The following CELF2 variants were observed in gnomAD, a reference collection of about 807,000 sequenced individuals.
CELF2 encodes CUG triplet repeat RNA-binding protein 2.
Under a neutral mutation model 62.6 loss-of-function variants are expected in CELF2, and 8 were observed. The observed-to-expected ratio is 0.13, with a 90% confidence interval of 0.07 to 0.23. The LOEUF (loss-of-function observed/expected upper bound fraction) is 0.23. Ranked by LOEUF, CELF2 falls within the 10% of genes least tolerant of loss-of-function variation. The probability of loss-of-function intolerance (pLI) is 1.00; values close to 1 mark genes in which losing one functional copy is unlikely to be tolerated. For missense variants in CELF2, 333 were observed against 671.0 expected (o/e 0.50, Z 5.56); for synonymous variants, 258 against 250.0 (o/e 1.03, Z -0.30).
the CELF2 span, among the ~76,000 whole-genome samples, chr10:10,702,062 T>G: frequency 6.6e-6 from 1 of 152,254 alleles, no homozygotes; most frequent in Non-Finnish European, 1.5e-5. Context: ...GTATGCAGTG[T>G]TTGATTTTGG....
intron 1 of CELF2, among the ~76,000 whole-genome samples, chr10:10,905,536 G>C (rs2063263942): frequency 6.6e-6 from 1 of 150,814 alleles, no homozygotes; most frequent in African/African-American, 2.4e-5. Context: ...TTGAGGCCAG[G>C]AGTTCGAGAC....
chr10:10,927,346 T>TAAAAAAAAAAAAAAAAAAAAAA (rs34283995), intron 2 of CELF2: 7 of 85,840 alleles, frequency 8.2e-5, no homozygotes, highest in Non-Finnish European at 6.0e-5. Flanking sequence ...CTAGTGACAT[T>TAAAAAAAAAAAAAAAAAAAAAA]AAAAAAAAAA....
intron 1 of CELF2, among the ~76,000 whole-genome samples, chr10:10,901,040 T>C (rs1162705129): frequency 1.3e-5 from 2 of 152,194 alleles, no homozygotes; most frequent in African/African-American, 4.8e-5. Context: ...AGAGAAGAGC[T>C]AAATAAATGG....
intron 9 of CELF2, among the ~76,000 whole-genome samples, chr10:11,294,673 G>A (rs965333795): frequency 2.6e-5 from 4 of 152,204 alleles, no homozygotes; most frequent in Non-Finnish European, 5.9e-5. Context: ...AACACTTTGG[G>A]AGGCCGAGGC....
chr10:10,830,758 C>A (rs2057782347), intron 1 of CELF2, among the ~76,000 whole-genome samples: 2 of 151,990 alleles, frequency 1.3e-5, no homozygotes, highest in African/African-American at 4.8e-5. Flanking sequence ...TTATAATTCC[C>A]ATAATTTGGC....
chr10:10,973,220 G>A (rs985957854), intron 2 of CELF2, among the ~76,000 whole-genome samples: 1 of 152,016 alleles, frequency 6.6e-6, no homozygotes, highest in Non-Finnish European at 1.5e-5. Flanking sequence ...GGCAGAGGTT[G>A]CAGTGAGCCG....
chr10:11,275,195 A>G, intron 8 of CELF2, 75 bp downstream of exon 8: 1 of 1,399,786 alleles, frequency 7.1e-7, no homozygotes, highest in South Asian at 1.2e-5. Context: ...GGGCAAAGAC[A>G]AGAAGCAGGG....
intron 1 of CELF2, among the ~76,000 whole-genome samples, chr10:11,031,450 T>C (rs1463345049): frequency 6.6e-6 from 1 of 152,200 alleles, no homozygotes; most frequent in Non-Finnish European, 1.5e-5. Context: ...AAATCATAAA[T>C]TTCTGTCTAC....
intron 1 of CELF2, among the ~76,000 whole-genome samples, chr10:11,032,180 A>G (rs916853706): frequency 6.7e-6 from 1 of 149,080 alleles, no homozygotes; most frequent in African/African-American, 2.5e-5. Flanking sequence ...AATTGCTTCC[A>G]GGGGCCACCC....
chr10:10,853,031 T>G (rs1251832788), intron 1 of CELF2, among the ~76,000 whole-genome samples: 1 of 152,184 alleles, frequency 6.6e-6, no homozygotes, highest in Non-Finnish European at 1.5e-5. Context: ...TAGCCTGGAG[T>G]GCAGTGGTGC....
the CELF2 span, among the ~76,000 whole-genome samples, chr10:10,614,953 G>T: frequency 6.6e-6 from 1 of 152,082 alleles, no homozygotes; most frequent in Non-Finnish European, 1.5e-5. Flanking sequence ...ATCAGGTCAT[G>T]GGAATCGACG....
the CELF2 span, among the ~76,000 whole-genome samples, chr10:10,732,022 T>C: frequency 1.3e-5 from 2 of 152,000 alleles, 1 homozygote; most frequent in Admixed American, 1.3e-4. Context: ...CACCAGATGG[T>C]TACAAGTTCC....
chr10:10,989,431 A>T (rs976295863), intron 2 of CELF2, among the ~76,000 whole-genome samples: 2 of 152,164 alleles, frequency 1.3e-5, no homozygotes, highest in African/African-American at 4.8e-5. Flanking sequence ...AAACATACAC[A>T]TCTTACCCCA....
chr10:10,949,305 C>T (rs1425160001), intron 2 of CELF2, among the ~76,000 whole-genome samples: 1 of 152,076 alleles, frequency 6.6e-6, no homozygotes, highest in Non-Finnish European at 1.5e-5. Context: ...GTCCCCAAAC[C>T]CCACTCATGT....
At chr10:10,748,747 CAAAAAAAAAAAA>C in the CELF2 span, among the ~76,000 whole-genome samples, 18 of 37,000 alleles carry the variant, frequency 4.9e-4, no homozygotes, top group African/African-American at 1.8e-3. Flanking sequence ...GACTCTGTCT[CAAAAAAAAAAAA>C]AAAAAAAAAA....
the CELF2 span, among the ~76,000 whole-genome samples, chr10:10,651,082 C>G: frequency 5.3e-5 from 8 of 151,034 alleles, 1 homozygote; most frequent in African/African-American, 1.9e-4. Context: ...TCAGGGAGTT[C>G]CCTTTCCAAG....
At chr10:10,685,475 T>C in the CELF2 span, among the ~76,000 whole-genome samples, 11 of 152,272 alleles carry the variant, frequency 7.2e-5, no homozygotes, top group East Asian at 1.2e-3. Context: ...CCGTAACTTA[T>C]AATGACAATG....
chr10:10,654,147 A>C, the CELF2 span, among the ~76,000 whole-genome samples: 1 of 139,610 alleles, frequency 7.2e-6, no homozygotes, highest in African/African-American at 2.7e-5. Context: ...TGACACATAC[A>C]CTCTCCCAAG....
At chr10:11,003,994 C>A (rs143907268), upstream of CELF2, among the ~76,000 whole-genome samples, 1 of 152,298 alleles carries the variant, frequency 6.6e-6, no homozygotes, top group East Asian at 1.9e-4. This position sits in a 1 kb window ranked among gnomAD's most constrained non-coding sequence, Gnocchi z 4.4. Flanking sequence ...GCTGATACAT[C>A]ATGCAAGATT....
Sources: allele counts gnomAD v4.1 joint callset (sites outside exome capture counted in the v4.1 genomes callset), GRCh38; gene constraint gnomAD v4.1.1; non-coding constraint Gnocchi (gnomAD v3.1); transcripts MANE v1.5; gene names NCBI Gene and HGNC (gene_info 2026-07-23, HGNC 2026-07-21).